The following MAP4 variants were observed in gnomAD, a reference collection of about 807,000 sequenced individuals.
The protein encoded by MAP4 is microtubule associated protein 4.
A neutral mutation model predicts 170.2 loss-of-function variants in MAP4; 76 were observed. The observed-to-expected ratio is 0.45, with a 90% CI of 0.37 to 0.54. The LOEUF is 0.54. MAP4 is among the 20% of genes least tolerant of loss of function. The pLI, the probability that MAP4 is intolerant of heterozygous loss-of-function variation, is 0.00. For missense variants in MAP4, 2,506 were observed against 2,748.0 expected, an observed-to-expected ratio of 0.91 and a Z score of 1.97; for synonymous variants, 909 against 994.5, an observed-to-expected ratio of 0.91 and a Z score of 1.62.
At position 47,912,291 on chromosome 3, in the gene MAP4, C is replaced by A; in HGVS notation, c.2130G>T (p.Lys710Asn). 2 of 1,536,158 alleles carry A rather than the reference C, an allele frequency of 1.3e-6. No homozygotes were observed. The highest frequency in any genetic ancestry group is 1.7e-6 in the Non-Finnish European group (2 of 1,146,922). Residue 710 changes from lysine (K) to asparagine (N), a missense_variant, in exon 9 of 21, where the codon AAG becomes AAT. Around this residue, in one of 3 missense-constraint regions of MAP4, gnomAD observed 2,008 missense variants for 2,206.0 expected, o/e 0.91. Coordinates refer to ENST00000683076, the MANE Select transcript of MAP4 (RefSeq NM_001385682.1). ...AGTGGCCCAGCCTGTGATCAAGAGT[C>A]TTCCATGGAGGAGAGCCTCCCAGCA... ...PELLGGSPPW[K>N]TLDHRLGHCS...
Position 47,916,169 on chromosome 3 carries a change from T to A in MAP4, c.1658A>T (p.Lys553Ile). Residue 553 changes from lysine to isoleucine, a missense_variant, in exon 7 of 21, where the codon AAA becomes ATA. Physicochemically the swap from Lys to Ile is moderately radical, Grantham distance 102. Transcript: ENST00000683076. ...ALTEDQVPAL[K>I]TEAPLAKDGV... ...ATCCTTAGCCAGGGGTGCTTCTGTTTTGAGGGCTGGGACCTGATCCTCAGT... is the reference window on the plus strand; with the variant it reads ...ATCCTTAGCCAGGGGTGCTTCTGTTATGAGGGCTGGGACCTGATCCTCAGT... The A allele has an allele frequency of 6.2e-7, 1 of 1,614,190 alleles. No individual in the cohort carries two copies. The highest frequency in any genetic ancestry group is 1.3e-5 in the African/African-American group (1 of 75,058).
At chr3:47,961,977 A>G (rs1312758617) in intron 3 of MAP4, among the ~76,000 whole-genome samples, 1 of 152,202 alleles carries the variant, frequency 6.6e-6, no homozygotes. Context: ...GCAGATGCTG[A>G]CAAAAGTAAC....
chr3:47,992,938 A>G (rs2100093254), intron 2 of MAP4, among the ~76,000 whole-genome samples: 1 of 151,586 alleles, frequency 6.6e-6, no homozygotes, highest in Non-Finnish European at 1.5e-5. Context: ...CTAACTTGTT[A>G]TAACACGTCT....
At position 47,974,963 on chromosome 3, in the gene MAP4, A is replaced by G. The variant is rs2100081114; in HGVS notation, c.292+2902T>C. On this transcript the variant is annotated intron_variant, in intron 3 of 20. Transcript: ENST00000683076. ...AAGCAAGCTCAGAGAAGGAAGGAGGAGGGAGAAGAAAAGGAAATTCGCTGC... is the reference window on the plus strand; with the variant it reads ...AAGCAAGCTCAGAGAAGGAAGGAGGGGGGAGAAGAAAAGGAAATTCGCTGC... 5.1e-6 allele frequency: 5 copies of G among 986,340 alleles called. No individual in the cohort carries two copies. In the South Asian group the frequency reaches 1.9e-4, roughly 37 times the overall value. 61.1% of individuals were successfully genotyped at this position (986,340 alleles called of 1,614,324 possible).
Position 47,911,347 on chromosome 3 carries a change from CT to C in MAP4, c.3073del (p.Arg1025AspfsTer23). ...ELKKEAFPNE[R>X]QEISIFTSEQ... ...AGAAGTAAAGATGCTGATCTCTTGT[CT>C]TTCGTTGGGAAAAGCTTCCTTTTTT... On this transcript the variant is annotated frameshift_variant, in exon 9 of 21. Transcript: ENST00000683076. LOFTEE classifies it high-confidence loss of function. The surrounding 1 kb of genome is among the most constrained non-coding windows in gnomAD (Gnocchi z 4.0). 1 of 1,536,058 alleles carries C rather than the reference CT, an allele frequency of 6.5e-7. No homozygotes were observed. Among genetic ancestry groups the C allele is most frequent in the Middle Eastern group, 1.7e-4 (1 of 5,990 alleles).
intron 4 of MAP4, among the ~76,000 whole-genome samples, chr3:47,922,140 G>C (rs1486425904): frequency 6.6e-6 from 1 of 151,848 alleles, no homozygotes; most frequent in Non-Finnish European, 1.5e-5. Flanking sequence ...GTAGAGACAA[G>C]GTTTCTCCAC....
At chr3:48,060,727 A>G (rs1023999038) in intron 1 of MAP4, among the ~76,000 whole-genome samples, 2 of 152,040 alleles carry the variant, frequency 1.3e-5, no homozygotes, top group African/African-American at 4.8e-5. Flanking sequence ...CAGCCTGGGC[A>G]ACGTGTCGAA....
chr3:48,046,616 G>A (rs2100124692), intron 1 of MAP4, among the ~76,000 whole-genome samples: 2 of 152,022 alleles, frequency 1.3e-5, no homozygotes, highest in Non-Finnish European at 2.9e-5. Context: ...TACTTCACAG[G>A]GTGGCTCTTT....
chr3:48,000,793 C>G (rs2100098684), intron 1 of MAP4, among the ~76,000 whole-genome samples: 1 of 152,186 alleles, frequency 6.6e-6, no homozygotes, highest in African/African-American at 2.4e-5. Flanking sequence ...TGATTCAAGC[C>G]ACTTAATTTT....
chr3:47,963,394 T>C (rs2154182551), intron 3 of MAP4, among the ~76,000 whole-genome samples: 1 of 152,320 alleles, frequency 6.6e-6, no homozygotes, highest in African/African-American at 2.4e-5. Context: ...AAACAACTAT[T>C]TTTATAGAGC....
At chr3:47,952,139 A>G (rs1163972728) in intron 3 of MAP4, among the ~76,000 whole-genome samples, 2 of 142,976 alleles carry the variant, frequency 1.4e-5, no homozygotes, top group African/African-American at 5.3e-5. Context: ...AGAAGTGAGG[A>G]GCCCCTCCGC....
intron 1 of MAP4, among the ~76,000 whole-genome samples, chr3:48,005,054 C>T (rs541235503): frequency 9.2e-5 from 14 of 152,192 alleles, no homozygotes; most frequent in South Asian, 2.1e-4. Flanking sequence ...GGAGGAGGTG[C>T]GCTACACTCA....
intron 11 of MAP4, among the ~76,000 whole-genome samples, chr3:47,876,276 C>T (rs976386516): frequency 3.3e-5 from 5 of 151,870 alleles, no homozygotes; most frequent in African/African-American, 9.7e-5. Context: ...GGACTACCAG[C>T]GTGTGCCACC....
intron 1 of MAP4, among the ~76,000 whole-genome samples, chr3:48,011,796 C>T (rs2100105406): frequency 6.6e-6 from 1 of 152,130 alleles, no homozygotes; most frequent in Non-Finnish European, 1.5e-5. Flanking sequence ...GTTGCTTTTA[C>T]TATTCGGTTA....
upstream of MAP4, among the ~76,000 whole-genome samples, chr3:48,019,128 A>T (rs2100109288): frequency 6.6e-6 from 1 of 152,208 alleles, no homozygotes; most frequent in Non-Finnish European, 1.5e-5. Context: ...ACTTGAGCCC[A>T]GGAATTCAAG....
At position 47,902,938 on chromosome 3, in the gene MAP4, A is replaced by G. The variant is rs1270407765; in HGVS notation, c.5434+12T>C. ...AAATTACTTCAAGTTTCACACCAAG[A>G]GAGTTTCTCACCATAAACTGACATT... On this transcript the variant is annotated intron_variant, in intron 10 of 20. Coordinates refer to ENST00000683076, the MANE Select transcript of MAP4 (RefSeq NM_001385682.1). The G allele has an allele frequency of 2.0e-6, 2 of 982,900 alleles. No individual in the cohort carries two copies. Among genetic ancestry groups the G allele is most frequent in the African/African-American group, 3.5e-5 (2 of 57,156 alleles). 60.9% of individuals were successfully genotyped at this position (982,900 alleles called of 1,614,324 possible).
At chr3:48,067,953 T>C (rs776105912) in intron 1 of MAP4, among the ~76,000 whole-genome samples, 1 of 152,178 alleles carries the variant, frequency 6.6e-6, no homozygotes, top group Non-Finnish European at 1.5e-5. Context: ...AGAAGCATTT[T>C]TTTAAAAACT....
In MAP4 at chr3:48,001,351, T is replaced by TA. The variant is rs1159464973; in HGVS notation, c.-19-2473dup. ...AAGATATTAAATAATCAATTATATT[T>TA]ATATAGACTTCCAAATAAAATCTAA... is the stretch of plus-strand genomic sequence containing the variant. On this transcript the variant is annotated intron_variant, in intron 1 of 20. Transcript: ENST00000683076. Among the ~76,000 whole-genome samples, 3 of 152,312 alleles carry TA rather than the reference T, an allele frequency of 2.0e-5. No individual in the cohort carries two copies. The East Asian group carries it at 5.8e-4, about 29-fold the overall frequency.
chr3:47,869,357 C>A, intron 15 of MAP4, 30 bp from the exon 16 acceptor site: 1 of 1,451,886 alleles, frequency 6.9e-7, no homozygotes, highest in Non-Finnish European at 9.7e-7. Context: ...GGGCAAATTT[C>A]AAACCAAGAG....
Sources: gnomAD v4.1 joint callset for allele counts (sites outside exome capture counted in the v4.1 genomes callset) on GRCh38, gnomAD v4.1.1 for gene constraint, gnomAD v4.1.1 regional missense constraint, Gnocchi (gnomAD v3.1) non-coding constraint, MANE v1.5 for transcripts, NCBI Gene and HGNC (gene_info 2026-07-23, HGNC 2026-07-21) for gene names.